RNF166: variants seen among roughly 807,000 people sequenced by gnomAD.
RNF166 encodes ring finger protein 166.
Under a neutral mutation model 29.4 loss-of-function variants are expected in RNF166, and 19 were observed. The observed-to-expected ratio is 0.65, with a 90% CI of 0.45 to 0.95. The LOEUF (loss-of-function observed/expected upper bound fraction) is 0.95. Ranked by LOEUF, RNF166 falls within the 40% of genes least tolerant of loss-of-function variation. The pLI is 0.00. For synonymous variants in RNF166, 171 were observed against 134.5 expected, an observed-to-expected ratio of 1.27 and a Z score of -1.88; for missense variants, 347 against 322.1, an observed-to-expected ratio of 1.08 and a Z score of -0.59.
intron 5 of RNF166, chr16:88,698,108 G>A (rs961217417): frequency 1.4e-5 from 8 of 586,750 alleles, no homozygotes; most frequent in African/African-American, 5.6e-5. Flanking sequence ...CGGGGGCCAG[G>A]TGTGTGCCTG....
intron 5 of RNF166, chr16:88,698,173 G>A: frequency 1.7e-6 from 1 of 603,146 alleles, no homozygotes; most frequent in South Asian, 2.0e-5. Context: ...GTTGATGAAA[G>A]TCCTTCCCGC....
intron 5 of RNF166, chr16:88,697,951 C>T (rs1252276658): frequency 4.2e-6 from 2 of 471,636 alleles, no homozygotes; most frequent in East Asian, 3.8e-5. Context: ...AATTTCCATC[C>T]TGAGGCAGGC....
intron 1 of RNF166, chr16:88,703,763 C>T: frequency 1.0e-6 from 1 of 985,520 alleles, no homozygotes; most frequent in African/African-American, 1.7e-5. Flanking sequence ...CGCGCACTGG[C>T]CCTCCCAGCA....
rs191232979 is a variant in RNF166, at chr16:88,705,252, C to G, written c.155+919G>C. ...CTGTACCAGGAGCCCCTGAAGTCAG[C>G]TGACTTTGCTTGCAAAATGTTCTAG... On this transcript the variant is annotated intron_variant, in intron 1 of 5. Coordinates refer to ENST00000312838, the MANE Select transcript of RNF166 (RefSeq NM_178841.4). Among the ~76,000 whole-genome samples, 278 of 152,326 alleles carry G rather than the reference C, an allele frequency of 1.8e-3. 1 individual carries two copies. Among genetic ancestry groups the G allele is most frequent in the African/African-American group, 6.5e-3 (269 of 41,572 alleles).
At chr16:88,699,761 G>A (rs759050597) in intron 2 of RNF166, 29 bp from the exon 3 acceptor site, 40 of 1,561,870 alleles carry the variant, frequency 2.6e-5, no homozygotes, top group East Asian at 6.8e-5. Flanking sequence ...AGGGCAAGGC[G>A]GTCCTGAGAA....
At chr16:88,701,179 G>A (rs1387919631) in intron 2 of RNF166, 83 bp downstream of exon 2, 12 of 1,540,898 alleles carry the variant, frequency 7.8e-6, no homozygotes, top group Admixed American at 1.7e-5. Context: ...AGAGGGCCCC[G>A]GCCCCCACCC....
intron 1 of RNF166, chr16:88,703,976 G>A (rs911860632): frequency 1.8e-5 from 18 of 985,488 alleles, no homozygotes; most frequent in East Asian, 1.1e-4. Context: ...ACAGGCTTCT[G>A]GTTACAGAGG....
chr16:88,701,278 C>G lies in RNF166; in HGVS notation c.296G>C (p.Arg99Pro). 6.2e-7 allele frequency: 1 copy of G among 1,613,706 alleles called. No homozygotes were observed. Among genetic ancestry groups the G allele is most frequent in the Non-Finnish European group, 8.5e-7 (1 of 1,179,938 alleles). Reference protein sequence around the residue: ...KQLSSYKAPCRGCNKKVTLAK... With the variant: ...KQLSSYKAPCPGCNKKVTLAK... ...GGCGGGTACCTTTTTGTTGCAGCCT[C>G]GACAGGGCGCTTTGTAGGATGAGAG... Residue 99 changes from arginine to proline, a missense_variant, in exon 2 of 6, where the codon CGA becomes CCA. Coordinates refer to ENST00000312838, the MANE Select transcript of RNF166 (RefSeq NM_178841.4).
In RNF166 at chr16:88,700,881, G is replaced by A. The variant is rs938405170; in HGVS notation, c.312+381C>T. 28 of 1,119,606 alleles carry A rather than the reference G, an allele frequency of 2.5e-5. No homozygotes were observed. In the South Asian group the frequency reaches 2.9e-4, roughly 12 times the overall value. 69.4% of individuals were successfully genotyped at this position (1,119,606 alleles called of 1,614,324 possible). On this transcript the variant is annotated intron_variant, in intron 2 of 5. Transcript: ENST00000312838. ...CCCTTAGATGTCCTTGACTGTGCCC[G>A]CGGCCCTTGTGACCTTGGAGCCCCC...
intron 3 of RNF166, 62 bp from the exon 4 acceptor site, chr16:88,699,147 T>C: frequency 8.5e-7 from 1 of 1,176,550 alleles, no homozygotes; most frequent in Non-Finnish European, 1.2e-6. Flanking sequence ...GCCTCCCCGC[T>C]TCTCTCAAAC....
At chr16:88,701,535 CT>C in intron 1 of RNF166, 117 bp from the exon 2 acceptor site, 1 of 986,858 alleles carries the variant, frequency 1.0e-6, no homozygotes, top group Non-Finnish European at 1.4e-6. Flanking sequence ...GCAGCTCCCC[CT>C]ACCGCTGTCG....
chr16:88,698,530 C>T lies in RNF166; in HGVS notation c.620G>A (p.Arg207Gln). 3 of 1,573,840 alleles carry T rather than the reference C, an allele frequency of 1.9e-6. No homozygotes were observed. The highest frequency in any genetic ancestry group is 1.2e-5 in the South Asian group (1 of 85,876). ...SANFLQHLLH[R>Q]HKFSYDTFVD... is the part of the protein sequence containing the mutation. Reference sequence around the variant, plus strand: ...AAAGGTGTCGTAGGAGAACTTGTGTCGGTGAAGCAGGTGCTGCAGGAAGTT... The same window carrying T: ...AAAGGTGTCGTAGGAGAACTTGTGTTGGTGAAGCAGGTGCTGCAGGAAGTT... Residue 207 changes from arginine (R) to glutamine (Q), a missense_variant, in exon 5 of 6, where the codon CGA becomes CAA. Physicochemically the swap from Arg to Gln is conservative, Grantham distance 43. Transcript: ENST00000312838.
At chr16:88,704,342 G>T (rs1910553820) in intron 1 of RNF166, 1 of 985,334 alleles carries the variant, frequency 1.0e-6, no homozygotes, top group Non-Finnish European at 1.2e-6. Flanking sequence ...GGCAAAGGCT[G>T]TGTGAAAAGC....
At chr16:88,698,279 C>T (rs1005988069) in intron 5 of RNF166, 5 of 698,502 alleles carry the variant, frequency 7.2e-6, no homozygotes, top group South Asian at 1.5e-5. Context: ...TCCATGTCCC[C>T]GAGAGGCCTG....
chr16:88,703,010 C>T (rs1205976491), intron 1 of RNF166: 4 of 985,378 alleles, frequency 4.1e-6, no homozygotes, highest in African/African-American at 1.7e-5. Flanking sequence ...GCGTGGCGTG[C>T]ACACCCATGG....
intron 1 of RNF166, 131 bp from the exon 2 acceptor site, chr16:88,701,549 G>A (rs978887646): frequency 4.1e-5 from 36 of 867,766 alleles, no homozygotes; most frequent in African/African-American, 1.9e-4. Flanking sequence ...CGCTGTCGCC[G>A]TCTCTGGAGA....
intron 1 of RNF166, chr16:88,703,773 A>T: frequency 1.0e-6 from 1 of 985,456 alleles, no homozygotes; most frequent in Non-Finnish European, 1.2e-6. Flanking sequence ...CCCTCCCAGC[A>T]GGCACCCGGG....
intron 1 of RNF166, chr16:88,703,104 C>T (rs60649326): frequency 0.065 from 64,010 of 983,556 alleles, 2,550 homozygotes; most frequent in African/African-American, 0.17. Context: ...ACAGCAAGCA[C>T]GTCCCACCCG....
At chr16:88,704,193 C>T in intron 1 of RNF166, 3 of 985,462 alleles carry the variant, frequency 3.0e-6, no homozygotes, top group Non-Finnish European at 3.6e-6. Flanking sequence ...CCGAAGGGAA[C>T]CTGAAGAGCC....
Sources: allele counts gnomAD v4.1 joint callset (sites outside exome capture counted in the v4.1 genomes callset), GRCh38; gene constraint gnomAD v4.1.1; transcripts MANE v1.5; gene names NCBI Gene and HGNC (gene_info 2026-07-23, HGNC 2026-07-21).